Variants in FLT1 observed in about 807,000 individuals in gnomAD.
The protein encoded by FLT1 is fms related receptor tyrosine kinase 1.
A neutral mutation model predicts 156.3 loss-of-function variants in FLT1; 49 were observed. The observed-to-expected ratio is 0.31, with a 90% CI of 0.25 to 0.40. The LOEUF (loss-of-function observed/expected upper bound fraction) is 0.40. Among genes scored for constraint, FLT1 ranks in the 10% least tolerant of loss-of-function variants. The probability of loss-of-function intolerance (pLI) is 1.00; values close to 1 mark genes in which losing one functional copy is unlikely to be tolerated. For synonymous variants in FLT1, 594 were observed against 583.8 expected (o/e 1.02, Z -0.25); for missense variants, 1,322 against 1,637.2 (o/e 0.81, Z 3.32).
intron 14 of FLT1, among the ~76,000 whole-genome samples, chr13:28,381,086 A>G (rs1284294697): frequency 1.3e-5 from 2 of 152,092 alleles, no homozygotes; most frequent in African/African-American, 2.4e-5. Flanking sequence ...TCTCTCCTCT[A>G]GTCTCATAAT....
At chr13:28,432,272 C>T (rs374975220) in intron 6 of FLT1, among the ~76,000 whole-genome samples, 84 of 152,212 alleles carry the variant, frequency 5.5e-4, no homozygotes, top group Non-Finnish European at 1.1e-3. Context: ...CTCTGTGCCA[C>T]GTTTAATACA....
chr13:28,452,303 A>G (rs1019371335), intron 3 of FLT1, among the ~76,000 whole-genome samples: 6 of 152,234 alleles, frequency 3.9e-5, no homozygotes, highest in African/African-American at 1.2e-4. Flanking sequence ...TTTACGAAGT[A>G]TGCAGCCTTA....
intron 3 of FLT1, among the ~76,000 whole-genome samples, chr13:28,454,789 G>T (rs992714162): frequency 2.0e-5 from 3 of 152,104 alleles, no homozygotes; most frequent in Non-Finnish European, 4.4e-5. Context: ...ACTAGTAAAA[G>T]ATTATAGCAA....
At chr13:28,438,793 T>C (rs1878181767) in intron 3 of FLT1, among the ~76,000 whole-genome samples, 1 of 152,210 alleles carries the variant, frequency 6.6e-6, no homozygotes, top group Non-Finnish European at 1.5e-5. Context: ...TTCAAGGTGA[T>C]GCAGAAGTCT....
In FLT1 at chr13:28,340,193, C is replaced by T. The variant is rs191963785; in HGVS notation, c.2356-893G>A. Reference sequence around the variant, plus strand: ...TGGCACCACTGCACTCCAGCCTGGGCGACAGAGCGAGACTCTGTCTTAAAA... The same window carrying T: ...TGGCACCACTGCACTCCAGCCTGGGTGACAGAGCGAGACTCTGTCTTAAAA... On this transcript the variant is annotated intron_variant, in intron 16 of 29. Transcript: ENST00000282397. Among the ~76,000 whole-genome samples, 126 of 148,938 alleles carry T rather than the reference C, an allele frequency of 8.5e-4. No homozygotes were observed. In the East Asian group the frequency reaches 0.011, roughly 13 times the overall value.
At chr13:28,452,914 G>A (rs1385424758) in intron 3 of FLT1, among the ~76,000 whole-genome samples, 1 of 147,286 alleles carries the variant, frequency 6.8e-6, no homozygotes, top group Non-Finnish European at 1.5e-5. Context: ...TATTTTTAAT[G>A]TCCCTCTTGA....
At chr13:28,383,678 A>T (rs1874182575) in intron 14 of FLT1, among the ~76,000 whole-genome samples, 1 of 151,468 alleles carries the variant, frequency 6.6e-6, no homozygotes, top group African/African-American at 2.4e-5. Flanking sequence ...AAAAAAAAAA[A>T]ATTAGCTGGG....
At chr13:28,344,181 A>G (rs1047939894) in intron 16 of FLT1, among the ~76,000 whole-genome samples, 1 of 151,822 alleles carries the variant, frequency 6.6e-6, no homozygotes, top group Non-Finnish European at 1.5e-5. Context: ...ACCATGGCCT[A>G]CGAGACCCTG....
chr13:28,464,913 G>T (rs1301355974), intron 3 of FLT1, among the ~76,000 whole-genome samples: 1 of 152,168 alleles, frequency 6.6e-6, no homozygotes, highest in Non-Finnish European at 1.5e-5. Flanking sequence ...ACCTATAGGA[G>T]AAAGTTTTAT....
At chr13:28,456,940 T>C (rs1292280074) in intron 3 of FLT1, among the ~76,000 whole-genome samples, 1 of 152,216 alleles carries the variant, frequency 6.6e-6, no homozygotes, top group Non-Finnish European at 1.5e-5. Flanking sequence ...TGTCATTGTA[T>C]GTTTCTCCAA....
intron 15 of FLT1, among the ~76,000 whole-genome samples, chr13:28,349,184 T>G (rs942661034): frequency 6.6e-6 from 1 of 152,210 alleles, no homozygotes; most frequent in Non-Finnish European, 1.5e-5. Context: ...TGGCATATAG[T>G]AGACATCCTG....
At chr13:28,480,576 A>C (rs1421642022) in intron 1 of FLT1, among the ~76,000 whole-genome samples, 1 of 152,188 alleles carries the variant, frequency 6.6e-6, no homozygotes, top group Non-Finnish European at 1.5e-5. Context: ...TGCTAAAAGA[A>C]ATAGCAGGGT....
chr13:28,306,912 A>G (rs1032680777), intron 28 of FLT1, 140 bp from the exon 29 acceptor site: 1 of 688,088 alleles, frequency 1.5e-6, no homozygotes, highest in Non-Finnish European at 2.7e-6. Context: ...GAGACAAAGC[A>G]TTTCTCTAAG....
At chr13:28,434,620 C>T (rs139511269) in intron 4 of FLT1, among the ~76,000 whole-genome samples, 2,582 of 152,264 alleles carry the variant, frequency 0.017, 62 homozygotes, top group African/African-American at 0.057. Context: ...TGGTGGCTCA[C>T]GCCTGTAATT....
intron 1 of FLT1, among the ~76,000 whole-genome samples, chr13:28,490,472 A>G (rs1487093756): frequency 6.6e-6 from 1 of 152,130 alleles, no homozygotes; most frequent in Non-Finnish European, 1.5e-5. Flanking sequence ...CTTTCTTTTC[A>G]AGCCCTCCCT....
rs182154921 is a variant in FLT1 at position 28,465,571 on chromosome 13, G to A, written c.388+1332C>T. 1.5e-3 allele frequency among the ~76,000 whole-genome samples: 230 copies of A among 152,226 alleles called. 2 individuals carry two copies. The highest frequency in any genetic ancestry group is 5.3e-3 in the African/African-American group (221 of 41,520). On this transcript the variant is annotated intron_variant, in intron 3 of 29. Transcript: ENST00000282397. ...TAAAAAAAATCTCATGGCCAGGCAC[G>A]GTAGCTCATGCCTGTAATCCCAACA...
rs1211390394 is a variant in FLT1 at position 28,412,340 on chromosome 13, TTC to T, written c.1437-6448_1437-6447del. ...TTCTTTCTTTCTTTCTTTTCTTTCTTTCTTTCTTTCTCTTTCTTTCTTTCTTT... is the reference window on the plus strand; with the variant it reads ...TTCTTTCTTTCTTTCTTTTCTTTCTTTTTCTTTCTCTTTCTTTCTTTCTTT... On this transcript the variant is annotated intron_variant, in intron 10 of 29. Transcript: ENST00000282397. Among the ~76,000 whole-genome samples, 44 of 78,450 alleles carry T rather than the reference TTC, an allele frequency of 5.6e-4. 1 individual carries two copies. The highest frequency in any genetic ancestry group is 1.7e-3 in the African/African-American group (43 of 24,892). The allele number at this position is 78,450 out of a possible 152,430, so 51.5% of individuals were successfully genotyped here. A position where few individuals can be genotyped will look rare whatever the true frequency, so the allele number is the denominator to read the frequency against.
chr13:28,343,198 G>C (rs544666406), intron 16 of FLT1, among the ~76,000 whole-genome samples: 13 of 152,098 alleles, frequency 8.5e-5, no homozygotes, highest in Non-Finnish European at 1.9e-4. Flanking sequence ...GGCCAGGCTG[G>C]TCTTGAACTC....
intron 7 of FLT1, 27 bp downstream of exon 7, chr13:28,431,109 G>A (rs752260965): frequency 3.2e-6 from 5 of 1,581,858 alleles, no homozygotes; most frequent in Non-Finnish European, 4.3e-6. Flanking sequence ...AGCATAGCAT[G>A]AGTTGGCAAC....
Sources: gnomAD v4.1 joint callset for allele counts (sites outside exome capture counted in the v4.1 genomes callset) on GRCh38, gnomAD v4.1.1 for gene constraint, MANE v1.5 for transcripts, NCBI Gene and HGNC (gene_info 2026-07-23, HGNC 2026-07-21) for gene names.